TRIM49C: variants seen among roughly 807,000 people sequenced by gnomAD.
The protein encoded by TRIM49C is tripartite motif containing 49C, also known as tripartite motif-containing protein 49C.
In TRIM49C, 6 loss-of-function variants were observed where a neutral mutation model predicts 21.4. The ratio of observed to expected loss-of-function variants is 0.28; its 90% CI spans 0.15 to 0.55. The LOEUF (loss-of-function observed/expected upper bound fraction) is 0.55, where lower values mean the gene tolerates loss of function less well. TRIM49C is among the 20% of genes least tolerant of loss of function. TRIM49C has a pLI of 0.94. For missense variants in TRIM49C, 161 were observed against 442.4 expected, an observed-to-expected ratio of 0.36 and a Z score of 5.71; for synonymous variants, 57 against 148.1, an observed-to-expected ratio of 0.38 and a Z score of 4.47.
chr11:90,065,006 GCGTA>G, the TRIM49C span, among the ~76,000 whole-genome samples: 5 of 139,716 alleles, frequency 3.6e-5, no homozygotes, highest in African/African-American at 1.3e-4. Flanking sequence ...ATTTCCTTTG[GCGTA>G]CGTTACAACC....
the TRIM49C span, among the ~76,000 whole-genome samples, chr11:90,067,032 A>C: frequency 7.3e-6 from 1 of 137,436 alleles, no homozygotes; most frequent in Non-Finnish European, 1.6e-5. Flanking sequence ...TTTAGACTTC[A>C]AGTCTTTTTC....
the TRIM49C span, chr11:90,071,021 C>T: frequency 2.3e-6 from 1 of 433,642 alleles, no homozygotes; most frequent in African/African-American, 2.1e-5. Flanking sequence ...GTCTGGAAAT[C>T]CTGACCTCAG....
At chr11:90,034,766 A>T (rs1369084517) in intron 2 of TRIM49C, among the ~76,000 whole-genome samples, 1 of 134,366 alleles carries the variant, frequency 7.4e-6, no homozygotes, top group Non-Finnish European at 1.6e-5. Context: ...AATATGTCAT[A>T]GAACCATCTT....
the TRIM49C span, among the ~76,000 whole-genome samples, chr11:90,069,354 C>G: frequency 7.7e-6 from 1 of 129,916 alleles, no homozygotes; most frequent in Non-Finnish European, 1.6e-5. Context: ...CGTCGTGATC[C>G]GCCCACCTCG....
chr11:90,052,207 A>G, the TRIM49C span: 4 of 319,928 alleles, frequency 1.3e-5, no homozygotes, highest in Non-Finnish European at 2.3e-5. Context: ...CGCCGCCTCT[A>G]GGCCAGGCCG....
the TRIM49C span, chr11:90,052,413 G>A: frequency 5.4e-6 from 1 of 184,864 alleles, no homozygotes; most frequent in Non-Finnish European, 1.1e-5. Flanking sequence ...AGAGGCTCGT[G>A]GTCATCCTGA....
chr11:90,062,926 G>A, the TRIM49C span: 1 of 1,431,474 alleles, frequency 7.0e-7, no homozygotes, highest in Non-Finnish European at 9.3e-7. Flanking sequence ...ATGGTGACCG[G>A]TCTATGAAGT....
At chr11:90,054,917 A>G in the TRIM49C span, among the ~76,000 whole-genome samples, 1 of 147,812 alleles carries the variant, frequency 6.8e-6, no homozygotes, top group African/African-American at 2.5e-5. Flanking sequence ...AAAGAATGTC[A>G]GGAATAAATT....
downstream of TRIM49C, among the ~76,000 whole-genome samples, chr11:90,046,310 G>C (rs1445107219): frequency 1.4e-4 from 17 of 125,558 alleles, 4 homozygotes; most frequent in Non-Finnish European, 3.3e-5. Context: ...AGTTAGGGAG[G>C]ATTCCCTCTT....
In TRIM49C at chr11:90,041,214, T is replaced by C. The variant is rs537027272; in HGVS notation, c.1023T>C (p.Tyr341=). The change falls in exon 8 of 8, where the codon TAT becomes TAC. Residue 341 remains tyrosine (Y), a synonymous_variant. Coordinates refer to ENST00000448984, the MANE Select transcript of TRIM49C (RefSeq NM_001195234.1). The part of the protein sequence containing the change: ...WGVQTFTSGK[Y]YWEVHVGDSW... ...TTCAGACTTTCACCTCGGGCAAATA[T>C]TACTGGGAGGTCCATGTAGGGGACT... 50 of 1,594,088 alleles carry C rather than the reference T, an allele frequency of 3.1e-5. 3 individuals carry two copies. In the South Asian group the frequency reaches 5.1e-4, roughly 16 times the overall value.
chr11:90,057,556 GC>G, the TRIM49C span: 1 of 568,270 alleles, frequency 1.8e-6, no homozygotes, highest in Non-Finnish European at 2.7e-6. Context: ...GACAGTATTT[GC>G]CTTATATATG....
At chr11:90,031,617 G>A (rs1283460787) in intron 1 of TRIM49C, among the ~76,000 whole-genome samples, 2 of 151,568 alleles carry the variant, frequency 1.3e-5, no homozygotes, top group Non-Finnish European at 2.9e-5. Context: ...CCTAGTCATT[G>A]TAGGACATCA....
chr11:90,061,776 A>G, the TRIM49C span, among the ~76,000 whole-genome samples: 6 of 107,936 alleles, frequency 5.6e-5, 2 homozygotes, highest in African/African-American at 2.4e-4. Flanking sequence ...TATCCAATAC[A>G]CTAGAATTAA....
At chr11:90,037,043 G>A (rs998974890) in intron 4 of TRIM49C, among the ~76,000 whole-genome samples, 1 of 110,738 alleles carries the variant, frequency 9.0e-6, no homozygotes, top group Non-Finnish European at 1.9e-5. Context: ...GTGTGTATAT[G>A]TATGTATGTG....
rs1364536428 is a variant in TRIM49C at position 90,036,805 on chromosome 11, A to C, written c.507+822A>C. 2.9e-5 allele frequency among the ~76,000 whole-genome samples: 4 copies of C among 138,974 alleles called. 1 individual carries two copies. The highest frequency in any genetic ancestry group is 8.4e-5 in the Admixed American group (1 of 11,934). 91.2% of individuals were successfully genotyped at this position (138,974 alleles called of 152,430 possible). On this transcript the variant is annotated intron_variant, in intron 4 of 7. Coordinates refer to ENST00000448984, the MANE Select transcript of TRIM49C (RefSeq NM_001195234.1). ...CAAATAAGAGAGTCAAATGGTCAAT[A>C]CACAAATATATGCAATACATGATGT...
chr11:90,067,879 T>C, the TRIM49C span, among the ~76,000 whole-genome samples: 19 of 136,482 alleles, frequency 1.4e-4, 3 homozygotes, highest in South Asian at 4.1e-3. Context: ...CATTTTCATG[T>C]TGAGTAATCA....
downstream of TRIM49C, among the ~76,000 whole-genome samples, chr11:90,046,137 C>A (rs1259508806): frequency 8.2e-6 from 1 of 122,074 alleles, no homozygotes; most frequent in Non-Finnish European, 1.7e-5. Context: ...AGCCCACTTG[C>A]TCTTGGTGGA....
chr11:90,064,584 GGTT>G, the TRIM49C span, among the ~76,000 whole-genome samples: 1 of 126,764 alleles, frequency 7.9e-6, no homozygotes, highest in African/African-American at 2.8e-5. Flanking sequence ...TTTTTTTTTT[GGTT>G]GTTGTTGTTG....
chr11:90,041,089 A>G lies in TRIM49C; in HGVS notation c.898A>G (p.Ile300Val). ...GCATCATGAAGAAGCCAACAGTGATATCTTTCTGTATGAAATTTTGAGAAG... is the reference window on the plus strand; with the variant it reads ...GCATCATGAAGAAGCCAACAGTGATGTCTTTCTGTATGAAATTTTGAGAAG... Reference protein sequence around the residue: ...TLHHEEANSDIFLYEILRSMC... With the variant: ...TLHHEEANSDVFLYEILRSMC... The change falls in exon 8 of 8, where the codon ATC becomes GTC. Residue 300 changes from isoleucine to valine, a missense_variant. By Grantham distance (29) the Ile-to-Val change is conservative (BLOSUM62 3). This residue lies in a region of TRIM49C where 80 missense variants were observed against 314.8 expected (regional missense o/e 0.25). Coordinates refer to ENST00000448984, the MANE Select transcript of TRIM49C (RefSeq NM_001195234.1). 6 of 1,588,276 alleles carry G rather than the reference A, an allele frequency of 3.8e-6. No individual in the cohort carries two copies. Among genetic ancestry groups the G allele is most frequent in the Middle Eastern group, 1.7e-4 (1 of 5,922 alleles).
Sources: allele counts gnomAD v4.1 joint callset (sites outside exome capture counted in the v4.1 genomes callset), GRCh38; gene constraint gnomAD v4.1.1; regional missense constraint gnomAD v4.1.1; transcripts MANE v1.5; gene names NCBI Gene and HGNC (gene_info 2026-07-23, HGNC 2026-07-21).